Variants in EFHD1 observed in about 807,000 individuals in gnomAD.
EFHD1 encodes the protein EF-hand domain family member D1.
In EFHD1, 10 loss-of-function variants were observed where a neutral mutation model predicts 17.2. The ratio of observed to expected loss-of-function variants is 0.58; its 90% CI spans 0.36 to 0.99. The LOEUF (loss-of-function observed/expected upper bound fraction) is 0.99, where lower values mean the gene tolerates loss of function less well. Ranked by LOEUF, EFHD1 falls within the 50% of genes least tolerant of loss-of-function variation. The pLI is 0.01. For synonymous variants in EFHD1, 153 were observed against 142.0 expected, an observed-to-expected ratio of 1.08 and a Z score of -0.55; for missense variants, 310 against 327.5, an observed-to-expected ratio of 0.95 and a Z score of 0.41.
chr2:232,654,572 A>G (rs1426104311), intron 1 of EFHD1, among the ~76,000 whole-genome samples: 17 of 151,456 alleles, frequency 1.1e-4, no homozygotes, highest in Admixed American at 1.1e-3. Flanking sequence ...AGGTGTGGGT[A>G]TCCGCCACCC....
upstream of EFHD1, among the ~76,000 whole-genome samples, chr2:232,631,708 A>AAAAAC (rs1553597042): frequency 5.5e-4 from 75 of 136,308 alleles, no homozygotes; most frequent in African/African-American, 2.3e-3. Context: ...AAAAAAAAAC[A>AAAAAC]AAAACAAAAC....
intron 1 of EFHD1, among the ~76,000 whole-genome samples, chr2:232,627,258 A>C (rs1197898054): frequency 2.6e-5 from 4 of 151,588 alleles, no homozygotes; most frequent in African/African-American, 4.8e-5. Flanking sequence ...AAAAAAAAAA[A>C]AACTAGAATT....
intron 3 of EFHD1, among the ~76,000 whole-genome samples, chr2:232,676,893 G>A (rs1454554241): frequency 1.3e-5 from 2 of 151,994 alleles, no homozygotes; most frequent in African/African-American, 4.8e-5. Flanking sequence ...TGGACACTTT[G>A]GGAAGCTGAG....
chr2:232,647,706 G>A (rs948265557), intron 1 of EFHD1, among the ~76,000 whole-genome samples: 21 of 149,026 alleles, frequency 1.4e-4, no homozygotes, highest in African/African-American at 2.7e-4. Context: ...GCATGATCTC[G>A]GCTCACTGAA....
Position 232,663,952 on chromosome 2 carries a change from C to T in EFHD1, c.450+1003C>T, listed in dbSNP as rs573430793. ...GGACTATAGGCACATACCACCACAC[C>T]TGGCTAATTTTTTAAAATTTTTGTA... On this transcript the variant is annotated intron_variant, in intron 2 of 3. Coordinates refer to ENST00000264059, the MANE Select transcript of EFHD1 (RefSeq NM_025202.4). Among the ~76,000 whole-genome samples the T allele has an allele frequency of 2.4e-3, 360 of 152,142 alleles. 2 individuals are homozygous for T. The highest frequency in any genetic ancestry group is 4.0e-3 in the Non-Finnish European group (272 of 68,012).
intron 1 of EFHD1, among the ~76,000 whole-genome samples, chr2:232,626,745 C>T (rs1694109069): frequency 1.3e-5 from 2 of 152,032 alleles, no homozygotes; most frequent in Non-Finnish European, 2.9e-5. Flanking sequence ...TGAATTTTGC[C>T]TGGAAGCACA....
intron 1 of EFHD1, among the ~76,000 whole-genome samples, chr2:232,620,357 C>T (rs1173449650): frequency 5.4e-5 from 8 of 148,128 alleles, no homozygotes; most frequent in South Asian, 2.2e-4. Context: ...CACTGCAGTC[C>T]GGCCTGGGCG....
At chr2:232,649,157 C>T (rs981984941) in intron 1 of EFHD1, among the ~76,000 whole-genome samples, 6 of 152,188 alleles carry the variant, frequency 3.9e-5, no homozygotes, top group East Asian at 1.9e-4. Flanking sequence ...GACCTGAAAC[C>T]GGGAGGACGC....
At chr2:232,635,795 G>A (rs867153109) in intron 1 of EFHD1, among the ~76,000 whole-genome samples, 22 of 151,952 alleles carry the variant, frequency 1.4e-4, no homozygotes, top group South Asian at 1.0e-3. Flanking sequence ...CTCCAGCCAG[G>A]GTGACAGAGG....
intron 1 of EFHD1, 199 bp from the exon 2 acceptor site, chr2:232,662,603 C>T: frequency 1.8e-6 from 1 of 545,730 alleles, no homozygotes; most frequent in East Asian, 3.6e-5. Flanking sequence ...ACAGGTAGTA[C>T]AAGATCTGCT....
upstream of EFHD1, among the ~76,000 whole-genome samples, chr2:232,631,700 A>AAC (rs1250513513): frequency 2.1e-5 from 3 of 140,462 alleles, no homozygotes; most frequent in Non-Finnish European, 3.0e-5. Flanking sequence ...TTAAAAAAAA[A>AAC]AAAAAACAAA....
rs1030505196 is a variant in EFHD1, at chr2:232,607,218, G to C, written c.14+1045G>C. Among the ~76,000 whole-genome samples, 5 of 152,100 alleles carry C rather than the reference G, an allele frequency of 3.3e-5. No homozygotes were observed. The South Asian group carries it at 1.0e-3, about 32-fold the overall frequency. ...GCACTTTGGGAAGCCAGGGCAGTCG[G>C]ATCACTTGAGCCCAGGATTTTGACA... On this transcript the variant is annotated intron_variant, in intron 1 of 3. Transcript: ENST00000409613.
At position 232,682,027 on chromosome 2, in the gene EFHD1, A is replaced by G. The variant is rs1695294441; in HGVS notation, c.*308A>G. The stretch of plus-strand genomic sequence containing the variant: ...CTTGTCCCTTTACCATTCCCCATCA[A>G]AGAGTAGTCTGCTATATCAATTTGT... On this transcript the variant is annotated 3_prime_UTR_variant, in exon 4 of 4. Coordinates refer to ENST00000264059, the MANE Select transcript of EFHD1 (RefSeq NM_025202.4). 2 of 289,670 alleles carry G rather than the reference A, an allele frequency of 6.9e-6. No individual in the cohort carries two copies. The highest frequency in any genetic ancestry group is 1.3e-5 in the Non-Finnish European group (2 of 155,744). 17.9% of individuals were successfully genotyped at this position (289,670 alleles called of 1,614,324 possible). A position where few individuals can be genotyped will look rare whatever the true frequency, so the allele number is the denominator to read the frequency against.
In EFHD1 at chr2:232,633,668, C is replaced by T; in HGVS notation, c.-37C>T. 7.2e-7 allele frequency: 1 copy of T among 1,397,630 alleles called. No homozygotes were observed. The highest frequency in any genetic ancestry group is 9.2e-7 in the Non-Finnish European group (1 of 1,086,736). The allele number at this position is 1,397,630 out of a possible 1,614,324, so 86.6% of individuals were successfully genotyped here. A position where few individuals can be genotyped will look rare whatever the true frequency, so the allele number is the denominator to read the frequency against. On this transcript the variant is annotated 5_prime_UTR_variant, in exon 1 of 4. Transcript: ENST00000264059. ...CCCGCCAGCTCCCTGCGTCCCGTCCCGCGTCCCCGCGTTCCCGCGTCCTGC... is the reference window on the plus strand; with the variant it reads ...CCCGCCAGCTCCCTGCGTCCCGTCCTGCGTCCCCGCGTTCCCGCGTCCTGC...
At chr2:232,640,329 A>G (rs1694405475) in intron 1 of EFHD1, among the ~76,000 whole-genome samples, 1 of 152,094 alleles carries the variant, frequency 6.6e-6, no homozygotes, top group South Asian at 2.1e-4. Context: ...TGGCTGAGCT[A>G]GTGGGTCTCT....
At chr2:232,639,039 C>G (rs1008100544) in intron 1 of EFHD1, among the ~76,000 whole-genome samples, 1 of 152,150 alleles carries the variant, frequency 6.6e-6, no homozygotes, top group South Asian at 2.1e-4. Flanking sequence ...CTTGCCAGCA[C>G]GCATGATTAA....
intron 3 of EFHD1, among the ~76,000 whole-genome samples, chr2:232,677,108 C>T (rs1338505447): frequency 6.6e-6 from 1 of 152,064 alleles, no homozygotes; most frequent in Non-Finnish European, 1.5e-5. Context: ...TGCAGTGGCT[C>T]ACATCTGCAA....
At chr2:232,680,873 A>G (rs1299783182) in intron 3 of EFHD1, among the ~76,000 whole-genome samples, 1 of 151,516 alleles carries the variant, frequency 6.6e-6, no homozygotes, top group African/African-American at 2.4e-5. Context: ...TCCAATAAAA[A>G]TCCCATGAGG....
At chr2:232,624,082 T>C (rs1422060648) in intron 1 of EFHD1, among the ~76,000 whole-genome samples, 4 of 151,764 alleles carry the variant, frequency 2.6e-5, no homozygotes, top group Admixed American at 2.6e-4. Context: ...GCTGTGGGGG[T>C]GGGGTCTGCT....
Sources: allele counts gnomAD v4.1 joint callset (sites outside exome capture counted in the v4.1 genomes callset), GRCh38; gene constraint gnomAD v4.1.1; transcripts MANE v1.5; gene names NCBI Gene and HGNC (gene_info 2026-07-23, HGNC 2026-07-21).